The following NBEA variants were observed in gnomAD, a reference collection of about 807,000 sequenced individuals.
NBEA encodes neurobeachin.
NBEA carries 44 observed loss-of-function variants against 343.4 expected under a neutral mutation model. That is an observed-to-expected ratio of 0.13 (90% CI 0.10 to 0.16). The LOEUF (loss-of-function observed/expected upper bound fraction) is 0.16, where lower values mean the gene tolerates loss of function less well. NBEA is among the 10% of genes least tolerant of loss of function. The pLI, the probability that NBEA is intolerant of heterozygous loss-of-function variation, is 1.00. For synonymous variants in NBEA, 1,175 were observed against 1,238.7 expected (o/e 0.95, Z 1.08); for missense variants, 2,555 against 3,631.3 (o/e 0.70, Z 7.62).
intron 45 of NBEA, among the ~76,000 whole-genome samples, chr13:35,581,940 A>G (rs1593284052): frequency 6.6e-6 from 1 of 151,936 alleles, no homozygotes; most frequent in Non-Finnish European, 1.5e-5. Context: ...TTAGAAAAAC[A>G]TATCTGAACA....
intron 40 of NBEA, among the ~76,000 whole-genome samples, chr13:35,467,463 C>T (rs2075434681): frequency 6.6e-6 from 1 of 150,410 alleles, no homozygotes. Context: ...CAGAGCAAGA[C>T]TCCATCTAAA....
intron 18 of NBEA, among the ~76,000 whole-genome samples, chr13:35,146,630 C>T (rs1253077166): frequency 6.6e-6 from 1 of 152,062 alleles, no homozygotes; most frequent in African/African-American, 2.4e-5. Flanking sequence ...GCGCCTGTGT[C>T]ACAGCTCCCC....
chr13:35,293,225 G>A (rs2035908469), intron 35 of NBEA, among the ~76,000 whole-genome samples: 1 of 151,798 alleles, frequency 6.6e-6, no homozygotes, highest in East Asian at 1.9e-4. Flanking sequence ...AACTCCAAAG[G>A]CTATATCATC....
At chr13:35,647,264 A>C (rs572759379) in intron 51 of NBEA, among the ~76,000 whole-genome samples, 1 of 152,308 alleles carries the variant, frequency 6.6e-6, no homozygotes, top group South Asian at 2.1e-4. Flanking sequence ...TTTTTTACTG[A>C]AGTAAACAAT....
At chr13:35,169,419 CTG>C (rs2070292502) in intron 25 of NBEA, among the ~76,000 whole-genome samples, 1 of 151,278 alleles carries the variant, frequency 6.6e-6, no homozygotes, top group East Asian at 1.9e-4. Context: ...CTCTTTTAGA[CTG>C]TTGTGTTGAA....
chr13:35,438,084 C>T (rs1196987268), intron 39 of NBEA, among the ~76,000 whole-genome samples: 2 of 151,752 alleles, frequency 1.3e-5, no homozygotes, highest in Non-Finnish European at 2.9e-5. Flanking sequence ...GATCAGGCAT[C>T]GTAGAAGAGA....
chr13:34,959,116 A>T (rs1270626841), intron 1 of NBEA, among the ~76,000 whole-genome samples: 2 of 152,168 alleles, frequency 1.3e-5, no homozygotes. Flanking sequence ...ATGTAATAAT[A>T]CAGTAACTAA....
At chr13:35,495,271 T>A (rs2076637536) in intron 41 of NBEA, among the ~76,000 whole-genome samples, 1 of 151,916 alleles carries the variant, frequency 6.6e-6, no homozygotes, top group South Asian at 2.1e-4. Context: ...AGCCACTACA[T>A]ACAAAGAGAA....
At chr13:35,132,261 G>T (rs568739343) in intron 17 of NBEA, among the ~76,000 whole-genome samples, 1 of 152,086 alleles carries the variant, frequency 6.6e-6, no homozygotes, top group African/African-American at 2.4e-5. Flanking sequence ...ATGTTCAAGC[G>T]ATTCTTCTGC....
chr13:35,560,318 C>G (rs906661328), intron 44 of NBEA, among the ~76,000 whole-genome samples: 1 of 152,156 alleles, frequency 6.6e-6, no homozygotes, highest in African/African-American at 2.4e-5. Flanking sequence ...GCTTTTAAAA[C>G]CTAAATAATT....
intron 30 of NBEA, among the ~76,000 whole-genome samples, chr13:35,184,492 T>A (rs2071548589): frequency 6.6e-6 from 1 of 151,970 alleles, no homozygotes; most frequent in African/African-American, 2.4e-5. Flanking sequence ...TGTAAAGGAA[T>A]GCGAAAAGTC....
At chr13:35,468,052 C>T (rs2075463961) in intron 40 of NBEA, among the ~76,000 whole-genome samples, 2 of 151,180 alleles carry the variant, frequency 1.3e-5, no homozygotes, top group African/African-American at 4.9e-5. Context: ...ATTTAATAGC[C>T]ATCGTTGCCT....
Position 35,098,468 on chromosome 13 carries a change from A to G in NBEA, c.1680+63A>G, listed in dbSNP as rs990090188. ...CACAGTTGGACAGCTGTTAATCACT[A>G]ATTTTTTTTTCTGTAATTTCACTTT... is the stretch of plus-strand genomic sequence containing the variant. On this transcript the variant is annotated intron_variant, in intron 11 of 58. Transcript: ENST00000379939. The G allele has an allele frequency of 2.7e-5, 33 of 1,237,794 alleles. No individual in the cohort carries two copies. The African/African-American group carries it at 3.8e-4, about 14-fold the overall frequency. 76.7% of individuals were successfully genotyped at this position (1,237,794 alleles called of 1,614,324 possible).
chr13:35,298,175 G>A (rs2036263926), intron 35 of NBEA, among the ~76,000 whole-genome samples: 1 of 125,950 alleles, frequency 7.9e-6, no homozygotes, highest in African/African-American at 2.8e-5. Context: ...CATAGCCAGT[G>A]TGTGTGTGTG....
intron 49 of NBEA, among the ~76,000 whole-genome samples, chr13:35,642,211 TA>T (rs1180023590): frequency 1.3e-5 from 2 of 152,170 alleles, no homozygotes; most frequent in East Asian, 3.8e-4. Context: ...ACTGTTTAAG[TA>T]AAAAGTCACT....
At chr13:35,235,703 C>T (rs1289736831) in intron 34 of NBEA, among the ~76,000 whole-genome samples, 2 of 152,174 alleles carry the variant, frequency 1.3e-5, no homozygotes, top group African/African-American at 4.8e-5. Flanking sequence ...TCTTCCATGA[C>T]CACACATTCA....
chr13:35,298,211 GTATATATATATATA>G lies in NBEA; in HGVS notation c.5838+7785_5838+7798del, dbSNP rs72309538. 3.8e-3 allele frequency among the ~76,000 whole-genome samples: 387 copies of G among 103,016 alleles called. 3 individuals are homozygous for G. Among genetic ancestry groups the G allele is most frequent in the Middle Eastern group, 0.014 (3 of 220 alleles). The allele number at this position is 103,016 out of a possible 152,430, so 67.6% of individuals were successfully genotyped here. ...TATGTGTGTGTGTGTGTGTGTGTGT[GTATATATATATATA>G]TATATATATATATATATATATATGT... On this transcript the variant is annotated intron_variant, in intron 35 of 58. Coordinates refer to ENST00000379939, the MANE Select transcript of NBEA (RefSeq NM_001385012.1).
At chr13:35,275,700 C>A (rs553262810) in intron 34 of NBEA, among the ~76,000 whole-genome samples, 1 of 152,008 alleles carries the variant, frequency 6.6e-6, no homozygotes, top group Non-Finnish European at 1.5e-5. Flanking sequence ...CAAAGGATAT[C>A]AACAGACATT....
At chr13:35,534,937 A>G (rs1361486913) in intron 41 of NBEA, among the ~76,000 whole-genome samples, 1 of 152,180 alleles carries the variant, frequency 6.6e-6, no homozygotes, top group Non-Finnish European at 1.5e-5. Context: ...GCAAACTAGT[A>G]TTTTGCTTCA....
Sources: gnomAD v4.1 joint callset for allele counts (sites outside exome capture counted in the v4.1 genomes callset) on GRCh38, gnomAD v4.1.1 for gene constraint, MANE v1.5 for transcripts, NCBI Gene and HGNC (gene_info 2026-07-23, HGNC 2026-07-21) for gene names.